PLXDC2: variants seen among roughly 807,000 people sequenced by gnomAD.
PLXDC2 encodes the protein plexin domain-containing protein 2.
A neutral mutation model predicts 68.9 loss-of-function variants in PLXDC2; 40 were observed. That is an observed-to-expected ratio of 0.58 (90% CI 0.45 to 0.76). The LOEUF is 0.76. Ranked by LOEUF, PLXDC2 falls within the 30% of genes least tolerant of loss-of-function variation. The pLI, the probability that PLXDC2 is intolerant of heterozygous loss-of-function variation, is 0.00. For synonymous variants in PLXDC2, 243 were observed against 234.2 expected, an observed-to-expected ratio of 1.04 and a Z score of -0.34; for missense variants, 644 against 661.9, an observed-to-expected ratio of 0.97 and a Z score of 0.30.
intron 1 of PLXDC2, among the ~76,000 whole-genome samples, chr10:19,873,524 A>G (rs1837582287): frequency 1.4e-5 from 2 of 146,594 alleles, no homozygotes; most frequent in African/African-American, 5.1e-5. Flanking sequence ...CATTCTCTCC[A>G]TTCTCTCTCC....
chr10:20,187,915 A>G (rs780359255), intron 9 of PLXDC2, among the ~76,000 whole-genome samples: 1 of 151,832 alleles, frequency 6.6e-6, no homozygotes, highest in Non-Finnish European at 1.5e-5. Context: ...ACTGTAAACT[A>G]TTTTTGAAAA....
chr10:19,986,757 C>T (rs1834648744), intron 1 of PLXDC2, among the ~76,000 whole-genome samples: 1 of 152,162 alleles, frequency 6.6e-6, no homozygotes, highest in South Asian at 2.1e-4. Flanking sequence ...AAGCAGTATA[C>T]TTGAAAGTGT....
rs1018603086 is a variant in PLXDC2, at chr10:20,281,109, C to G, written c.*1290C>G. ...TGGTTCAGTTCATTGCCGCGCCCAT[C>G]ATGTTCTTGACTATTTGATCCACTT... On this transcript the variant is annotated 3_prime_UTR_variant, in exon 14 of 14. Coordinates refer to ENST00000377252, the MANE Select transcript of PLXDC2 (RefSeq NM_032812.9). 8.5e-5 allele frequency: 13 copies of G among 152,134 alleles called. No individual in the cohort carries two copies. The highest frequency in any genetic ancestry group is 1.9e-4 in the Non-Finnish European group (13 of 68,006). The allele number at this position is 152,134 out of a possible 1,614,324, so 9.4% of individuals were successfully genotyped here.
At chr10:20,162,500 T>C (rs1834316722) in intron 6 of PLXDC2, among the ~76,000 whole-genome samples, 1 of 152,124 alleles carries the variant, frequency 6.6e-6, no homozygotes, top group Non-Finnish European at 1.5e-5. Context: ...ATTTATATGA[T>C]GGCATTAATA....
intron 3 of PLXDC2, among the ~76,000 whole-genome samples, chr10:20,062,940 C>T (rs16919789): frequency 0.15 from 22,221 of 151,548 alleles, 1,909 homozygotes; most frequent in South Asian, 0.31. Flanking sequence ...TAATACTTGA[C>T]GTAAATAAAT....
At chr10:20,017,009 C>G (rs923312187) in intron 2 of PLXDC2, among the ~76,000 whole-genome samples, 2 of 152,212 alleles carry the variant, frequency 1.3e-5, no homozygotes, top group African/African-American at 4.8e-5. Context: ...ACCTACTTAG[C>G]TAGTTTCCTC....
At chr10:20,001,317 T>A (rs2131637183) in intron 1 of PLXDC2, among the ~76,000 whole-genome samples, 1 of 152,350 alleles carries the variant, frequency 6.6e-6, no homozygotes, top group African/African-American at 2.4e-5. Flanking sequence ...CTCTTTGCTG[T>A]CCAGCATGAA....
At chr10:19,821,772 G>A (rs1242078438) in intron 1 of PLXDC2, among the ~76,000 whole-genome samples, 1 of 152,182 alleles carries the variant, frequency 6.6e-6, no homozygotes, top group Admixed American at 6.5e-5. Context: ...CAAAGCATAA[G>A]ATCCAGAAGT....
intron 9 of PLXDC2, among the ~76,000 whole-genome samples, chr10:20,189,399 T>C (rs1834729583): frequency 6.8e-6 from 1 of 147,140 alleles, no homozygotes; most frequent in African/African-American, 2.5e-5. Flanking sequence ...AGATTTGAAT[T>C]TTTACCACAC....
chr10:20,201,418 G>C (rs1834915716), intron 9 of PLXDC2, among the ~76,000 whole-genome samples: 1 of 152,026 alleles, frequency 6.6e-6, no homozygotes, highest in African/African-American at 2.4e-5. Flanking sequence ...GAGGGAGAAA[G>C]GGAGAGATTT....
intron 2 of PLXDC2, among the ~76,000 whole-genome samples, chr10:20,013,195 T>TCTA (rs1358952012): frequency 1.3e-5 from 2 of 152,192 alleles, no homozygotes; most frequent in Non-Finnish European, 2.9e-5. Flanking sequence ...TACCTACCTA[T>TCTA]CTACCTACCT....
At chr10:19,957,262 A>G (rs532693502) in intron 1 of PLXDC2, among the ~76,000 whole-genome samples, 1 of 152,228 alleles carries the variant, frequency 6.6e-6, no homozygotes, top group African/African-American at 2.4e-5. Flanking sequence ...TTTAAGAAGG[A>G]TATTGCTCTC....
intron 3 of PLXDC2, among the ~76,000 whole-genome samples, chr10:20,065,874 C>T (rs1836201041): frequency 6.6e-6 from 1 of 152,056 alleles, no homozygotes. Context: ...CCTGGGTTGC[C>T]TGCTGCTCAC....
intron 4 of PLXDC2, among the ~76,000 whole-genome samples, chr10:20,124,573 G>A (rs1833744725): frequency 6.6e-6 from 1 of 152,182 alleles, no homozygotes; most frequent in Non-Finnish European, 1.5e-5. Flanking sequence ...AACAGGCTTT[G>A]TGTGAGCAAC....
intron 1 of PLXDC2, among the ~76,000 whole-genome samples, chr10:19,957,348 T>G (rs2131599934): frequency 6.6e-6 from 1 of 152,242 alleles, no homozygotes; most frequent in South Asian, 2.1e-4. Context: ...TACAGAAAGT[T>G]TAATATAAAT....
At chr10:19,956,077 TA>T (rs932012948) in intron 1 of PLXDC2, among the ~76,000 whole-genome samples, 49 of 149,942 alleles carry the variant, frequency 3.3e-4, no homozygotes, top group Middle Eastern at 3.4e-3. Flanking sequence ...GAAACTCCAT[TA>T]AAAAAAAAAT....
chr10:20,081,396 T>C (rs982296697), intron 4 of PLXDC2, among the ~76,000 whole-genome samples: 2 of 143,412 alleles, frequency 1.4e-5, no homozygotes, highest in Middle Eastern at 3.6e-3. Flanking sequence ...ACTTCTAATA[T>C]TGAAATGCAA....
intron 3 of PLXDC2, among the ~76,000 whole-genome samples, chr10:20,062,170 A>G (rs1411257638): frequency 2.0e-5 from 3 of 152,240 alleles, no homozygotes; most frequent in Admixed American, 6.5e-5. Flanking sequence ...TCACGCCTGT[A>G]ATCCCAGCAC....
At chr10:19,963,293 G>A (rs1409374774) in intron 1 of PLXDC2, among the ~76,000 whole-genome samples, 1 of 152,128 alleles carries the variant, frequency 6.6e-6, no homozygotes, top group African/African-American at 2.4e-5. Context: ...TGAACCAAGA[G>A]TACAGATTTT....
Sources: allele counts gnomAD v4.1 joint callset (sites outside exome capture counted in the v4.1 genomes callset), GRCh38; gene constraint gnomAD v4.1.1; transcripts MANE v1.5; gene names NCBI Gene and HGNC (gene_info 2026-07-23, HGNC 2026-07-21).